Variants in PCDH9 observed in about 807,000 individuals in gnomAD.
PCDH9 encodes protocadherin-9.
A neutral mutation model predicts 70.6 loss-of-function variants in PCDH9; 24 were observed. That is an observed-to-expected ratio of 0.34 (90% CI 0.25 to 0.48). The LOEUF (loss-of-function observed/expected upper bound fraction) is 0.48, where lower values mean the gene tolerates loss of function less well. PCDH9 is among the 20% of genes least tolerant of loss of function. The pLI is 0.99. For synonymous variants in PCDH9, 562 were observed against 558.5 expected (o/e 1.01, Z -0.09); for missense variants, 1,281 against 1,503.6 (o/e 0.85, Z 2.45).
At chr13:66,344,807 G>A (rs111306645) in intron 4 of PCDH9, among the ~76,000 whole-genome samples, 22 of 152,184 alleles carry the variant, frequency 1.4e-4, no homozygotes, top group Admixed American at 6.5e-4. Context: ...CTGTAAATAC[G>A]GTGCAGCTTA....
intron 4 of PCDH9, among the ~76,000 whole-genome samples, chr13:66,539,869 C>T (rs1262876300): frequency 7.8e-5 from 8 of 102,122 alleles, no homozygotes; most frequent in Admixed American, 1.6e-4. Flanking sequence ...TTCTTTTTTT[C>T]CTTTTTTTTT....
chr13:66,512,547 C>T (rs1239938746), intron 4 of PCDH9, among the ~76,000 whole-genome samples: 1 of 151,976 alleles, frequency 6.6e-6, no homozygotes, highest in Non-Finnish European at 1.5e-5. Flanking sequence ...CTCCACAATA[C>T]CCCCAGATTC....
rs1222666106 is a variant in PCDH9 at position 66,831,873 on chromosome 13, A to G, written c.3138+71631T>C. ...CTGGGACAACACTGTTTATAGAATT[A>G]CAAGTCACAAGTGTAATAAAAACTG... On this transcript the variant is annotated intron_variant, in intron 3 of 4. Transcript: ENST00000377865. Among the ~76,000 whole-genome samples the G allele has an allele frequency of 4.9e-5, 5 of 103,064 alleles. No individual in the cohort carries two copies. In the Admixed American group the frequency reaches 6.2e-4, roughly 13 times the overall value. 67.6% of individuals were successfully genotyped at this position (103,064 alleles called of 152,430 possible). A position where few individuals can be genotyped will look rare whatever the true frequency, so the allele number is the denominator to read the frequency against.
At position 66,332,294 on chromosome 13, in the gene PCDH9, A is replaced by T. The variant is rs890040143; in HGVS notation, c.3341-27266T>A. Among the ~76,000 whole-genome samples, 4 of 152,154 alleles carry T rather than the reference A, an allele frequency of 2.6e-5. No individual in the cohort carries two copies. In the East Asian group the frequency reaches 7.7e-4, roughly 29 times the overall value. Reference sequence around the variant, plus strand: ...AGAAGTAAGGTGTATGCCAGAGAGCATACACCATGTTAGAATGAGGTCTTC... The same window carrying T: ...AGAAGTAAGGTGTATGCCAGAGAGCTTACACCATGTTAGAATGAGGTCTTC... On this transcript the variant is annotated intron_variant, in intron 4 of 4. Coordinates refer to ENST00000377865, the MANE Select transcript of PCDH9 (RefSeq NM_203487.3).
intron 2 of PCDH9, among the ~76,000 whole-genome samples, chr13:66,934,760 G>A (rs1184519306): frequency 9.3e-4 from 93 of 100,466 alleles, no homozygotes; most frequent in Admixed American, 5.9e-3. Flanking sequence ...TCGCTCTGTC[G>A]CCCAGGCTGG....
intron 2 of PCDH9, among the ~76,000 whole-genome samples, chr13:67,064,009 C>A (rs968004989): frequency 6.6e-6 from 1 of 151,970 alleles, no homozygotes; most frequent in Non-Finnish European, 1.5e-5. Context: ...TCTATGAATC[C>A]CCTCTTTGCT....
intron 4 of PCDH9, among the ~76,000 whole-genome samples, chr13:66,307,833 T>C (rs2138057007): frequency 6.6e-6 from 1 of 152,224 alleles, no homozygotes; most frequent in African/African-American, 2.4e-5. Flanking sequence ...GAATGTGTTG[T>C]GTGCGCGTTT....
intron 2 of PCDH9, among the ~76,000 whole-genome samples, chr13:66,963,270 G>A (rs2083378300): frequency 1.3e-5 from 2 of 152,184 alleles, no homozygotes; most frequent in African/African-American, 4.8e-5. Context: ...TAGCCTTGGG[G>A]TTGGAGACTC....
In PCDH9 at chr13:67,175,825, C is replaced by T. The variant is rs186336034; in HGVS notation, c.3036+49580G>A. ...CTAAAGAGAATTATGATCTACTTAC[C>T]TCTATAAAATGCAGCATTCTTTAGA... On this transcript the variant is annotated intron_variant, in intron 2 of 4. Transcript: ENST00000377865. Among the ~76,000 whole-genome samples the T allele has an allele frequency of 2.6e-5, 4 of 152,076 alleles. No homozygotes were observed. The East Asian group carries it at 7.7e-4, about 29-fold the overall frequency.
intron 3 of PCDH9, among the ~76,000 whole-genome samples, chr13:66,896,776 T>C (rs999610128): frequency 3.9e-5 from 6 of 152,158 alleles, no homozygotes; most frequent in Non-Finnish European, 8.8e-5. Context: ...AACCAGGTCT[T>C]AGATCGGAGC....
At chr13:66,528,265 A>T (rs1960296922) in intron 4 of PCDH9, among the ~76,000 whole-genome samples, 1 of 152,114 alleles carries the variant, frequency 6.6e-6, no homozygotes, top group Non-Finnish European at 1.5e-5. Context: ...GGGCAATGAA[A>T]ACTCTCAGCA....
intron 2 of PCDH9, among the ~76,000 whole-genome samples, chr13:66,954,342 C>T (rs1230321045): frequency 1.3e-5 from 2 of 152,132 alleles, no homozygotes; most frequent in African/African-American, 4.8e-5. Flanking sequence ...TTCACTTTAT[C>T]CATAAAACTG....
chr13:67,152,192 C>A (rs555095629), intron 2 of PCDH9, among the ~76,000 whole-genome samples: 64 of 152,280 alleles, frequency 4.2e-4, no homozygotes, highest in African/African-American at 1.5e-3. Context: ...CCAGAAGAAA[C>A]CTGTATGTTT....
At chr13:67,072,871 A>G (rs2085795639) in intron 2 of PCDH9, among the ~76,000 whole-genome samples, 1 of 152,210 alleles carries the variant, frequency 6.6e-6, no homozygotes, top group Non-Finnish European at 1.5e-5. Context: ...AATATCTGTT[A>G]CTGCTGGAAA....
At chr13:66,912,939 G>A (rs12428945) in intron 2 of PCDH9, among the ~76,000 whole-genome samples, 13,484 of 152,062 alleles carry the variant, frequency 0.089, 822 homozygotes, top group Admixed American at 0.14. Context: ...TTTGTATTAT[G>A]AAAACTGTTT....
chr13:67,107,251 T>TC (rs1030583175), intron 2 of PCDH9, among the ~76,000 whole-genome samples: 1 of 127,228 alleles, frequency 7.9e-6, no homozygotes, highest in African/African-American at 3.1e-5. Context: ...AAAAAGCCCC[T>TC]CCTTCAAGCC....
At chr13:66,384,689 G>C (rs1956899965) in intron 4 of PCDH9, among the ~76,000 whole-genome samples, 1 of 152,024 alleles carries the variant, frequency 6.6e-6, no homozygotes, top group African/African-American at 2.4e-5. Context: ...ATTTGAGGTG[G>C]AGTTTCACTC....
At chr13:66,377,414 A>G (rs1156844179) in intron 4 of PCDH9, among the ~76,000 whole-genome samples, 1 of 152,198 alleles carries the variant, frequency 6.6e-6, no homozygotes, top group African/African-American at 2.4e-5. Context: ...TTCAGCAACC[A>G]TGGTAGGAAT....
chr13:66,947,001 C>T (rs987152289), intron 2 of PCDH9, among the ~76,000 whole-genome samples: 3 of 152,190 alleles, frequency 2.0e-5, no homozygotes, highest in Middle Eastern at 3.4e-3. Flanking sequence ...CCCATTTTAG[C>T]ACAAGGATAA....
Sources: gnomAD v4.1 joint callset for allele counts (sites outside exome capture counted in the v4.1 genomes callset) on GRCh38, gnomAD v4.1.1 for gene constraint, MANE v1.5 for transcripts, NCBI Gene and HGNC (gene_info 2026-07-23, HGNC 2026-07-21) for gene names.